Variants in RARRES1 observed in about 807,000 individuals in gnomAD.
RARRES1 encodes the protein retinoic acid receptor responder protein 1.
Under a neutral mutation model 30.6 loss-of-function variants are expected in RARRES1, and 34 were observed. The ratio of observed to expected loss-of-function variants is 1.11; its 90% CI spans 0.84 to 1.48. The LOEUF (loss-of-function observed/expected upper bound fraction) is 1.48. RARRES1 is among the 40% of genes most tolerant of loss of function. RARRES1 has a pLI of 0.00. For missense variants in RARRES1, 373 were observed against 386.5 expected, an observed-to-expected ratio of 0.97 and a Z score of 0.29; for synonymous variants, 153 against 155.5, an observed-to-expected ratio of 0.98 and a Z score of 0.12.
At chr3:158,722,990 G>GCAC (rs1727567008) in intron 1 of RARRES1, among the ~76,000 whole-genome samples, 1 of 152,098 alleles carries the variant, frequency 6.6e-6, no homozygotes, top group South Asian at 2.1e-4. Flanking sequence ...ACCTCGCTGT[G>GCAC]CACCACCCCA....
chr3:158,728,517 T>TTTTC lies in RARRES1; in HGVS notation c.276+3622_276+3623insGAAA, dbSNP rs1553746132. Among the ~76,000 whole-genome samples, 3 of 69,954 alleles carry TTTTC rather than the reference T, an allele frequency of 4.3e-5. 1 individual carries two copies. The highest frequency in any genetic ancestry group is 2.3e-4 in the African/African-American group (3 of 13,136). The allele number at this position is 69,954 out of a possible 152,430, so 45.9% of individuals were successfully genotyped here. On this transcript the variant is annotated intron_variant, in intron 1 of 5. Coordinates refer to ENST00000237696, the MANE Select transcript of RARRES1 (RefSeq NM_206963.2). ...ATCAATCGTGGTTTCTTTTTCTTTC[T>TTTTC]TTTTTTTTTTTTTTTTTGGTTTTTG...
At chr3:158,699,856 C>T (rs1012114842) in intron 4 of RARRES1, among the ~76,000 whole-genome samples, 4 of 152,084 alleles carry the variant, frequency 2.6e-5, no homozygotes, top group African/African-American at 9.7e-5. Flanking sequence ...ATCAGTCTGG[C>T]ATTGTCGCTT....
At chr3:158,720,273 T>TGAGAGAGAGAGAGA (rs968371151) in intron 1 of RARRES1, among the ~76,000 whole-genome samples, 28 of 144,536 alleles carry the variant, frequency 1.9e-4, no homozygotes, top group African/African-American at 6.9e-4. Flanking sequence ...TGTATGTGTG[T>TGAGAGAGAGAGAGA]GAGAGAGAGA....
chr3:158,704,681 A>G, intron 4 of RARRES1, 110 bp downstream of exon 4: 1 of 1,434,680 alleles, frequency 7.0e-7, no homozygotes, highest in South Asian at 1.5e-5. Flanking sequence ...ATTGAAATAA[A>G]TGTGATTACA....
chr3:158,718,585 C>T (rs1727400593), intron 1 of RARRES1, among the ~76,000 whole-genome samples: 1 of 152,154 alleles, frequency 6.6e-6, no homozygotes, highest in African/African-American at 2.4e-5. Context: ...TGCAATCTGG[C>T]GTATGTGGTC....
chr3:158,724,645 G>A (rs1186309096), intron 1 of RARRES1, among the ~76,000 whole-genome samples: 1 of 152,148 alleles, frequency 6.6e-6, no homozygotes, highest in East Asian at 1.9e-4. Flanking sequence ...AGAACCATAA[G>A]TGAGTAAGTT....
intron 3 of RARRES1, among the ~76,000 whole-genome samples, chr3:158,707,265 T>C (rs73030861): frequency 0.028 from 4,190 of 152,052 alleles, 172 homozygotes; most frequent in African/African-American, 0.097. Context: ...TTTATGTACA[T>C]AGAGTAGAAG....
chr3:158,705,910 G>A (rs1726908430), intron 3 of RARRES1, among the ~76,000 whole-genome samples: 1 of 152,150 alleles, frequency 6.6e-6, no homozygotes, highest in Non-Finnish European at 1.5e-5. Flanking sequence ...TGAGAGGTTA[G>A]GGATACAATG....
intron 4 of RARRES1, among the ~76,000 whole-genome samples, chr3:158,700,223 GTATATA>G (rs201043411): frequency 6.8e-6 from 1 of 147,238 alleles, no homozygotes; most frequent in Non-Finnish European, 1.5e-5. Context: ...GTGTGTGTGT[GTATATA>G]TATATATATA....
chr3:158,699,536 C>T (rs775235211), intron 4 of RARRES1, among the ~76,000 whole-genome samples: 10 of 150,902 alleles, frequency 6.6e-5, no homozygotes, highest in African/African-American at 9.8e-5. Flanking sequence ...AGGGAAGATA[C>T]AGGCTGGAAT....
intron 1 of RARRES1, among the ~76,000 whole-genome samples, chr3:158,718,094 T>G (rs1207158831): frequency 6.6e-6 from 1 of 151,796 alleles, no homozygotes; most frequent in Non-Finnish European, 1.5e-5. Flanking sequence ...TTCTCCTGCC[T>G]CAGTCTCCCG....
intron 1 of RARRES1, among the ~76,000 whole-genome samples, chr3:158,730,274 C>T (rs1379270340): frequency 6.8e-5 from 10 of 146,392 alleles, no homozygotes; most frequent in South Asian, 6.6e-4. Flanking sequence ...AAGCCGAGAT[C>T]GCAGCGCTGC....
chr3:158,730,417 T>TTCCTTCCTTC (rs1434418366), intron 1 of RARRES1, among the ~76,000 whole-genome samples: 1 of 144,908 alleles, frequency 6.9e-6, no homozygotes, highest in South Asian at 2.2e-4. Flanking sequence ...CCTTCCTTCC[T>TTCCTTCCTTC]CTCTCTCTTT....
At chr3:158,701,366 T>C (rs1410872489) in intron 4 of RARRES1, among the ~76,000 whole-genome samples, 1 of 152,142 alleles carries the variant, frequency 6.6e-6, no homozygotes, top group African/African-American at 2.4e-5. Context: ...TTTCTTTTTT[T>C]TTTTTGCACA....
At position 158,697,648 on chromosome 3, in the gene RARRES1, T is replaced by C. The variant is rs767129203; in HGVS notation, c.*30A>G. The C allele has an allele frequency of 1.9e-6, 3 of 1,573,988 alleles. No individual in the cohort carries two copies. The highest frequency in any genetic ancestry group is 1.4e-5 in the African/African-American group (1 of 73,680). On this transcript the variant is annotated 3_prime_UTR_variant, in exon 6 of 6. Coordinates refer to ENST00000237696, the MANE Select transcript of RARRES1 (RefSeq NM_206963.2). ...ATTTATGCTAGTATAGTCACTTGTT[T>C]AGAAGTCGGAAAAAGATCATTTTTT...
chr3:158,710,401 G>C (rs1018128443), intron 3 of RARRES1, among the ~76,000 whole-genome samples: 2 of 152,018 alleles, frequency 1.3e-5, no homozygotes, highest in East Asian at 3.9e-4. Flanking sequence ...GTAGAGACGG[G>C]GTTTCACCGT....
rs1263010651 is a variant in RARRES1, at chr3:158,713,786, T to C, written c.339+11A>G. 5 of 1,608,070 alleles carry C rather than the reference T, an allele frequency of 3.1e-6. No individual in the cohort carries two copies. In the African/African-American group the frequency reaches 6.7e-5, roughly 22 times the overall value. The stretch of plus-strand genomic sequence containing the variant: ...TGCTAATAGGATACTTTGCCAATTG[T>C]GGCAGCTTACCTCTGGGTTGTAGCG... On this transcript the variant is annotated intron_variant, in intron 2 of 5. Transcript: ENST00000237696.
rs188752016 is a variant in RARRES1 at position 158,713,782 on chromosome 3, A to G, written c.339+15T>C. On this transcript the variant is annotated intron_variant, in intron 2 of 5. Coordinates refer to ENST00000237696, the MANE Select transcript of RARRES1 (RefSeq NM_206963.2). ...CAGTTGCTAATAGGATACTTTGCCA[A>G]TTGTGGCAGCTTACCTCTGGGTTGT... 2.2e-3 allele frequency: 3,475 copies of G among 1,607,382 alleles called. 8 individuals carry two copies. The highest frequency in any genetic ancestry group is 2.7e-3 in the Non-Finnish European group (3,186 of 1,176,400).
intron 5 of RARRES1, 21 bp from the exon 6 acceptor site, chr3:158,697,848 A>G: frequency 1.2e-6 from 2 of 1,601,420 alleles, no homozygotes; most frequent in Non-Finnish European, 1.7e-6. Context: ...GAGTTATAAA[A>G]TATTATAATC....
Sources: gnomAD v4.1 joint callset for allele counts (sites outside exome capture counted in the v4.1 genomes callset) on GRCh38, gnomAD v4.1.1 for gene constraint, MANE v1.5 for transcripts, NCBI Gene and HGNC (gene_info 2026-07-23, HGNC 2026-07-21) for gene names.